The following FAM185A variants were observed in gnomAD, a reference collection of about 807,000 sequenced individuals.
The protein encoded by FAM185A is protein FAM185A.
In FAM185A, 21 loss-of-function variants were observed where a neutral mutation model predicts 45.7. That is an observed-to-expected ratio of 0.46 (90% CI 0.33 to 0.66). The LOEUF is 0.66. Ranked by LOEUF, FAM185A falls within the 30% of genes least tolerant of loss-of-function variation. The probability of loss-of-function intolerance (pLI) is 0.03; values close to 1 mark genes in which losing one functional copy is unlikely to be tolerated. For synonymous variants in FAM185A, 117 were observed against 194.0 expected, an observed-to-expected ratio of 0.60 and a Z score of 3.30; for missense variants, 305 against 485.4, an observed-to-expected ratio of 0.63 and a Z score of 3.49.
chr7:102,833,596 CT>C, the FAM185A span, among the ~76,000 whole-genome samples: 1,528 of 137,970 alleles, frequency 0.011, 7 homozygotes, highest in Middle Eastern at 0.026. Flanking sequence ...CCGGCTAATT[CT>C]TTTTTTTTTT....
chr7:102,757,543 C>T (rs1458673130), intron 2 of FAM185A, among the ~76,000 whole-genome samples: 1 of 152,196 alleles, frequency 6.6e-6, no homozygotes, highest in East Asian at 1.9e-4. Flanking sequence ...TCATCTTCAT[C>T]ACTGTGGATA....
chr7:102,841,435 G>A, the FAM185A span, among the ~76,000 whole-genome samples: 1 of 152,186 alleles, frequency 6.6e-6, no homozygotes, highest in African/African-American at 2.4e-5. Context: ...AGCAAGTTCA[G>A]CAGTGCTTCA....
Position 102,749,081 on chromosome 7 carries a change from G to C in FAM185A, c.-127G>C, listed in dbSNP as rs1793166301. The C allele has an allele frequency of 2.1e-6, 3 of 1,395,516 alleles. No individual in the cohort carries two copies. The highest frequency in any genetic ancestry group is 3.0e-6 in the Non-Finnish European group (3 of 1,008,372). The allele number at this position is 1,395,516 out of a possible 1,614,324, so 86.4% of individuals were successfully genotyped here. A position where few individuals can be genotyped will look rare whatever the true frequency, so the allele number is the denominator to read the frequency against. ...TAGTCAAGCCAACCGGCTCGCTCTT[G>C]TTTCAGCAAACCCTGACTTACGTCT... On this transcript the variant is annotated 5_prime_UTR_variant, in exon 1 of 8. Transcript: ENST00000413034.
intron 2 of FAM185A, among the ~76,000 whole-genome samples, chr7:102,757,027 C>G (rs993209713): frequency 2.0e-5 from 3 of 149,782 alleles, no homozygotes; most frequent in Admixed American, 2.0e-4. Context: ...TTTTGATGAG[C>G]CAATAGTAGT....
At chr7:102,830,980 G>A in the FAM185A span, among the ~76,000 whole-genome samples, 7 of 152,094 alleles carry the variant, frequency 4.6e-5, no homozygotes, top group Admixed American at 2.6e-4. Flanking sequence ...AAAACTAATC[G>A]GAAGGTCAGA....
the FAM185A span, among the ~76,000 whole-genome samples, chr7:102,823,523 TCA>T: frequency 6.6e-6 from 1 of 152,170 alleles, no homozygotes; most frequent in African/African-American, 2.4e-5. Flanking sequence ...TTCCAACATA[TCA>T]CAGTTTTGCC....
chr7:102,835,178 A>G, the FAM185A span, among the ~76,000 whole-genome samples: 1 of 152,176 alleles, frequency 6.6e-6, no homozygotes, highest in African/African-American at 2.4e-5. Context: ...GTCTTTTTCA[A>G]CTGATTCAGC....
the FAM185A span, among the ~76,000 whole-genome samples, chr7:102,840,791 C>CAGAAACAAG: frequency 1.3e-5 from 2 of 152,138 alleles, no homozygotes; most frequent in African/African-American, 4.8e-5. Context: ...GTCATGTTAC[C>CAGAAACAAG]TCAAGTTTCT....
At position 102,749,519 on chromosome 7, in the gene FAM185A, G is replaced by C. The variant is rs1360975409; in HGVS notation, c.312G>C (p.Ala104=). ...TYPDGDRVLV[A]VCGVEGGVRG... ...CGGATGGCGACCGCGTGCTGGTCGCGGTGTGCGGCGTGGAGGGCGGCGTGC... is the reference window on the plus strand; with the variant it reads ...CGGATGGCGACCGCGTGCTGGTCGCCGTGTGCGGCGTGGAGGGCGGCGTGC... The change falls in exon 1 of 8, where the codon GCG becomes GCC. Residue 104 remains alanine, a synonymous_variant. Transcript: ENST00000413034. 1.2e-5 allele frequency: 18 copies of C among 1,521,962 alleles called. No individual in the cohort carries two copies. The highest frequency in any genetic ancestry group is 2.1e-5 in the Admixed American group (1 of 47,916). The allele number at this position is 1,521,962 out of a possible 1,614,324, so 94.3% of individuals were successfully genotyped here.
At chr7:102,769,024 G>A (rs73406218) in intron 4 of FAM185A, among the ~76,000 whole-genome samples, 29,357 of 152,106 alleles carry the variant, frequency 0.19, 3,169 homozygotes, top group East Asian at 0.53. Flanking sequence ...TTTGAAGGAA[G>A]AAATCCATTT....
chr7:102,813,319 T>G, downstream of FAM185A: 1 of 1,566,538 alleles, frequency 6.4e-7, no homozygotes, highest in Non-Finnish European at 8.6e-7. Context: ...TGATTTTTTG[T>G]TCTTCCTGCT....
rs930228324 is a variant in FAM185A at position 102,778,036 on chromosome 7, A to G, written c.931+688A>G. ...ATAGGGGCTGAAGTGGCTTGGCTGC[A>G]GAAAGTTAAGAACTGTAGCTCTGTA... On this transcript the variant is annotated intron_variant, in intron 6 of 7. Coordinates refer to ENST00000413034, the MANE Select transcript of FAM185A (RefSeq NM_001145268.2). Among the ~76,000 whole-genome samples the G allele has an allele frequency of 3.9e-5, 6 of 152,370 alleles. No individual in the cohort carries two copies. The South Asian group carries it at 6.2e-4, about 16-fold the overall frequency.
chr7:102,778,704 C>A (rs1338533725), intron 6 of FAM185A, among the ~76,000 whole-genome samples: 1 of 152,088 alleles, frequency 6.6e-6, no homozygotes, highest in African/African-American at 2.4e-5. Context: ...TTTATGTTTT[C>A]TTCTACTGGG....
intron 7 of FAM185A, among the ~76,000 whole-genome samples, chr7:102,794,592 C>T (rs1434888902): frequency 2.6e-5 from 4 of 152,012 alleles, no homozygotes; most frequent in African/African-American, 9.7e-5. Flanking sequence ...ATAACTCAGT[C>T]TGGCAGTTTC....
intron 4 of FAM185A, among the ~76,000 whole-genome samples, chr7:102,766,891 G>A (rs1368058324): frequency 6.6e-6 from 1 of 151,936 alleles, no homozygotes; most frequent in Non-Finnish European, 1.5e-5. Context: ...CACTACCCAG[G>A]TTCAAACAAT....
chr7:102,818,292 G>A, the FAM185A span, among the ~76,000 whole-genome samples: 2 of 152,312 alleles, frequency 1.3e-5, no homozygotes, highest in Admixed American at 6.5e-5. Context: ...GCGAAGAGCA[G>A]CACAGTATGA....
chr7:102,844,303 C>T, the FAM185A span, among the ~76,000 whole-genome samples: 6 of 152,160 alleles, frequency 3.9e-5, no homozygotes, highest in East Asian at 1.9e-4. Flanking sequence ...TCTGAATCTT[C>T]GCCTCCCCTC....
chr7:102,775,010 G>GTT (rs200919500), intron 5 of FAM185A, among the ~76,000 whole-genome samples: 7 of 80,026 alleles, frequency 8.7e-5, no homozygotes, highest in East Asian at 5.6e-4. Context: ...TTTTGTTTTT[G>GTT]TTTTTTTTTT....
the FAM185A span, chr7:102,833,074 A>G: frequency 7.8e-7 from 1 of 1,273,916 alleles, no homozygotes; most frequent in Non-Finnish European, 1.1e-6. Flanking sequence ...TCCCTGAAAT[A>G]CAGATGTTAG....
Sources: allele counts gnomAD v4.1 joint callset (sites outside exome capture counted in the v4.1 genomes callset), GRCh38; gene constraint gnomAD v4.1.1; transcripts MANE v1.5; gene names NCBI Gene and HGNC (gene_info 2026-07-23, HGNC 2026-07-21).